Variants in NPSR1 observed in about 807,000 individuals in gnomAD.
NPSR1 encodes neuropeptide S receptor.
NPSR1 carries 48 observed loss-of-function variants against 46.9 expected under a neutral mutation model. The observed-to-expected ratio is 1.02, with a 90% CI of 0.81 to 1.30. NPSR1 has a LOEUF of 1.30. Ranked by LOEUF, NPSR1 falls within the 50% of genes most tolerant of loss-of-function variation. NPSR1 has a pLI of 0.00. For missense variants in NPSR1, 450 were observed against 449.5 expected (o/e 1.00, Z -0.01); for synonymous variants, 176 against 168.1 (o/e 1.05, Z -0.36).
intron 4 of NPSR1, among the ~76,000 whole-genome samples, chr7:34,813,506 G>A (rs554538515): frequency 7.9e-5 from 12 of 152,238 alleles, no homozygotes; most frequent in African/African-American, 2.9e-4. Flanking sequence ...AGAGCCATGG[G>A]CAGTAATATG....
intron 2 of NPSR1, among the ~76,000 whole-genome samples, chr7:34,732,724 G>T (rs1014083314): frequency 1.3e-5 from 2 of 152,102 alleles, no homozygotes; most frequent in African/African-American, 2.4e-5. Flanking sequence ...GAAAGGTAGG[G>T]TGTATAACAC....
Position 34,872,421 on chromosome 7 carries a change from A to T in NPSR1, c.1026-5655A>T, listed in dbSNP as rs1346171980. On this transcript the variant is annotated intron_variant, in intron 8 of 8. Transcript: ENST00000359791. Reference sequence around the variant, plus strand: ...TTTCCCATTCTCTCAGGTATTAACAATTGGCTCCCCTTAGGTCAGGCTAAT... The same window carrying T: ...TTTCCCATTCTCTCAGGTATTAACATTTGGCTCCCCTTAGGTCAGGCTAAT... Among the ~76,000 whole-genome samples, 7 of 152,028 alleles carry T rather than the reference A, an allele frequency of 4.6e-5. No homozygotes were observed. The East Asian group carries it at 1.4e-3, about 29-fold the overall frequency.
intron 2 of NPSR1, among the ~76,000 whole-genome samples, chr7:34,716,717 T>G (rs1345537351): frequency 1.3e-5 from 2 of 152,202 alleles, no homozygotes; most frequent in East Asian, 3.9e-4. Context: ...TCACAATCCT[T>G]TATCTCTCCT....
At chr7:34,777,616 G>T (rs1021982250) in intron 2 of NPSR1, among the ~76,000 whole-genome samples, 2 of 151,774 alleles carry the variant, frequency 1.3e-5, no homozygotes, top group African/African-American at 4.8e-5. Flanking sequence ...TGCTAAATTA[G>T]TGTCCTTGCT....
chr7:34,736,689 C>A (rs988476465), intron 2 of NPSR1, among the ~76,000 whole-genome samples: 10 of 152,114 alleles, frequency 6.6e-5, no homozygotes, highest in Admixed American at 5.2e-4. Context: ...CAACCTGGAA[C>A]TTCTGGGCTC....
Position 34,848,598 on chromosome 7 carries a change from A to G in NPSR1, c.960A>G (p.Ala320=). 1.2e-6 allele frequency: 2 copies of G among 1,614,170 alleles called. No homozygotes were observed. Among genetic ancestry groups the G allele is most frequent in the Non-Finnish European group, 8.5e-7 (1 of 1,180,010 alleles). Residue 320 remains alanine, a synonymous_variant, in exon 8 of 9, where the codon GCA becomes GCG. Transcript: ENST00000360581. ...YASVIIQNLP[A]LNSAINPLIY... is the part of the protein sequence containing the mutation. ...CTGTGATCATTCAGAACCTGCCAGC[A>G]TTGAATAGTGCCATCAACCCCCTCA...
At chr7:34,819,982 G>T (rs1025167955) in intron 4 of NPSR1, among the ~76,000 whole-genome samples, 2 of 152,160 alleles carry the variant, frequency 1.3e-5, no homozygotes, top group African/African-American at 4.8e-5. Context: ...ATGACAAGTT[G>T]ATGGGTGCAG....
chr7:34,716,577 T>A (rs963893208), intron 2 of NPSR1, among the ~76,000 whole-genome samples: 2 of 152,200 alleles, frequency 1.3e-5, no homozygotes, highest in South Asian at 4.1e-4. Context: ...GAGGTTAGTA[T>A]GAAAATTACA....
intron 1 of NPSR1, among the ~76,000 whole-genome samples, chr7:34,665,182 C>T (rs2609226): frequency 0.55 from 84,017 of 152,018 alleles, 24,752 homozygotes; most frequent in African/African-American, 0.76. Flanking sequence ...AGCTCTCCAA[C>T]AGTAAAAAAC....
At chr7:34,777,591 T>C (rs571113954) in intron 2 of NPSR1, among the ~76,000 whole-genome samples, 1 of 152,128 alleles carries the variant, frequency 6.6e-6, no homozygotes, top group Non-Finnish European at 1.5e-5. Flanking sequence ...GCTACTTTTT[T>C]TGTGTGTAGA....
intron 3 of NPSR1, among the ~76,000 whole-genome samples, chr7:34,792,665 T>TG (rs1562733079): frequency 2.5e-5 from 2 of 78,766 alleles, no homozygotes; most frequent in Non-Finnish European, 5.6e-5. Context: ...ATATATATAT[T>TG]TATATATATG....
At chr7:34,750,372 T>C in intron 2 of NPSR1, 2 of 738,844 alleles carry the variant, frequency 2.7e-6, no homozygotes, top group Non-Finnish European at 5.1e-6. Context: ...AAGACAACTT[T>C]TGGTTTCTTT....
chr7:34,699,322 A>T (rs1793700404), intron 2 of NPSR1, among the ~76,000 whole-genome samples: 1 of 152,202 alleles, frequency 6.6e-6, no homozygotes, highest in African/African-American at 2.4e-5. Flanking sequence ...TCTACTAAAA[A>T]ATTTTTTAAA....
At chr7:34,693,577 G>A (rs1447653451) in intron 2 of NPSR1, among the ~76,000 whole-genome samples, 1 of 152,074 alleles carries the variant, frequency 6.6e-6, no homozygotes, top group Non-Finnish European at 1.5e-5. Flanking sequence ...AAGAAAAGCT[G>A]GTACCAATCT....
At chr7:34,769,060 T>C (rs983326879) in intron 2 of NPSR1, among the ~76,000 whole-genome samples, 5 of 152,322 alleles carry the variant, frequency 3.3e-5, no homozygotes, top group Non-Finnish European at 5.9e-5. Context: ...TGTAATGTTA[T>C]TATTGATGTG....
chr7:34,674,379 C>T (rs1467371040), intron 1 of NPSR1, among the ~76,000 whole-genome samples: 1 of 152,166 alleles, frequency 6.6e-6, no homozygotes, highest in African/African-American at 2.4e-5. Flanking sequence ...CTCTGTGTTA[C>T]ACTGTGACTG....
chr7:34,783,527 A>C (rs2128739372), intron 3 of NPSR1, among the ~76,000 whole-genome samples: 1 of 152,258 alleles, frequency 6.6e-6, no homozygotes, highest in Non-Finnish European at 1.5e-5. Context: ...ACATAGCCAA[A>C]CTATATTATA....
chr7:34,864,512 A>G (rs1203341873), intron 8 of NPSR1, among the ~76,000 whole-genome samples: 2 of 151,844 alleles, frequency 1.3e-5, no homozygotes, highest in East Asian at 1.9e-4. Flanking sequence ...ATTAATGTAC[A>G]AAGATATTAA....
chr7:34,856,249 A>C (rs954387233), intron 8 of NPSR1, among the ~76,000 whole-genome samples: 1 of 151,864 alleles, frequency 6.6e-6, no homozygotes, highest in African/African-American at 2.4e-5. Context: ...CTGAATATCC[A>C]AAATAATATA....
Sources: gnomAD v4.1 joint callset for allele counts (sites outside exome capture counted in the v4.1 genomes callset) on GRCh38, gnomAD v4.1.1 for gene constraint, MANE v1.5 for transcripts, NCBI Gene and HGNC (gene_info 2026-07-23, HGNC 2026-07-21) for gene names.